EXD2: variants seen among roughly 807,000 people sequenced by gnomAD.
EXD2 encodes the protein exonuclease 3'-5' domain-containing protein 2.
A neutral mutation model predicts 62.5 loss-of-function variants in EXD2; 40 were observed. That is an observed-to-expected ratio of 0.64 (90% CI 0.50 to 0.83). The LOEUF (loss-of-function observed/expected upper bound fraction) is 0.83, where lower values mean the gene tolerates loss of function less well. EXD2 is among the 40% of genes least tolerant of loss of function. EXD2 has a pLI of 0.00. For missense variants in EXD2, 671 were observed against 761.8 expected, an observed-to-expected ratio of 0.88 and a Z score of 1.40; for synonymous variants, 239 against 291.9, an observed-to-expected ratio of 0.82 and a Z score of 1.85.
At position 69,193,061 on chromosome 14, in the gene EXD2, T is replaced by TC. The variant is rs369014939; in HGVS notation, c.-132+1470_-132+1471insC. On this transcript the variant is annotated intron_variant, in intron 1 of 9. Coordinates refer to ENST00000685843, the MANE Select transcript of EXD2 (RefSeq NM_001193360.2). ...AATAATTTCCTCCATTCTCTCTCTC[T>TC]TTTTTTTTTTTTTTTGAGACAGAGT... 4.7e-3 allele frequency among the ~76,000 whole-genome samples: 524 copies of TC among 111,508 alleles called. 4 individuals carry two copies. The highest frequency in any genetic ancestry group is 6.6e-3 in the Non-Finnish European group (354 of 53,264). 73.2% of individuals were successfully genotyped at this position (111,508 alleles called of 152,430 possible). A position where few individuals can be genotyped will look rare whatever the true frequency, so the allele number is the denominator to read the frequency against.
chr14:69,201,827 C>G (rs1440671826), intron 1 of EXD2, among the ~76,000 whole-genome samples: 1 of 151,762 alleles, frequency 6.6e-6, no homozygotes, highest in African/African-American at 2.4e-5. Flanking sequence ...GGAGTGCAGG[C>G]GCACACCACC....
intron 3 of EXD2, chr14:69,210,199 G>A (rs1346133882): frequency 6.3e-6 from 1 of 158,350 alleles, no homozygotes; most frequent in Non-Finnish European, 1.4e-5. Context: ...TGAACATATA[G>A]TAGTAAGTGT....
chr14:69,229,773 G>A (rs1390594789), intron 4 of EXD2, among the ~76,000 whole-genome samples: 4 of 152,086 alleles, frequency 2.6e-5, no homozygotes, highest in African/African-American at 4.8e-5. Flanking sequence ...TTATAACAAC[G>A]TGGACTGAAA....
intron 3 of EXD2, 102 bp downstream of exon 3, chr14:69,209,905 TGAA>T: frequency 1.0e-6 from 1 of 961,900 alleles, no homozygotes; most frequent in Non-Finnish European, 1.5e-6. Context: ...TAAAGGAGAA[TGAA>T]TTAGCTTGTT....
At chr14:69,212,298 G>T (rs1594747230) in intron 3 of EXD2, among the ~76,000 whole-genome samples, 1 of 151,960 alleles carries the variant, frequency 6.6e-6, no homozygotes, top group African/African-American at 2.4e-5. Flanking sequence ...AATTGCTTGA[G>T]CCCAGGAGGT....
intron 3 of EXD2, among the ~76,000 whole-genome samples, chr14:69,226,207 T>C (rs759713363): frequency 2.0e-5 from 3 of 152,204 alleles, no homozygotes; most frequent in Non-Finnish European, 4.4e-5. Context: ...GAACTACTCA[T>C]TAATTTTTAA....
chr14:69,236,850 C>A (rs1480330820), intron 8 of EXD2, among the ~76,000 whole-genome samples: 1 of 152,224 alleles, frequency 6.6e-6, no homozygotes. Flanking sequence ...CTGTGTCCCT[C>A]TCATCCTCTC....
chr14:69,207,206 T>G (rs2042632624), intron 2 of EXD2, among the ~76,000 whole-genome samples: 1 of 152,236 alleles, frequency 6.6e-6, no homozygotes, highest in South Asian at 2.1e-4. Context: ...ATGAAATTTT[T>G]TTTTTGGCCC....
chr14:69,208,721 C>G (rs373783403), intron 2 of EXD2: 1 of 152,160 alleles, frequency 6.6e-6, no homozygotes, highest in Non-Finnish European at 1.5e-5. Flanking sequence ...AGTTTGCATC[C>G]GCCTTCTATG....
chr14:69,210,274 T>C (rs2140237854), intron 3 of EXD2: 1 of 155,218 alleles, frequency 6.4e-6, no homozygotes, highest in East Asian at 1.9e-4. Context: ...GTGGAGAAAA[T>C]AGCTAAGGAA....
At chr14:69,238,655 G>A (rs1239560930) in intron 9 of EXD2, among the ~76,000 whole-genome samples, 1 of 146,186 alleles carries the variant, frequency 6.8e-6, no homozygotes, top group African/African-American at 2.5e-5. Flanking sequence ...GTTTTTTTGA[G>A]ATAGTATATG....
chr14:69,219,077 G>A (rs1283372467), intron 3 of EXD2, among the ~76,000 whole-genome samples: 1 of 152,158 alleles, frequency 6.6e-6, no homozygotes, highest in Non-Finnish European at 1.5e-5. Context: ...GGATGGCATT[G>A]AATCTATAAA....
intron 9 of EXD2, 95 bp downstream of exon 9, chr14:69,238,026 C>A: frequency 2.7e-6 from 3 of 1,096,070 alleles, no homozygotes; most frequent in Non-Finnish European, 2.6e-6. Context: ...GCTGCTTAGG[C>A]ACAGTGCCTA....
intron 5 of EXD2, among the ~76,000 whole-genome samples, chr14:69,232,186 A>G (rs1433666884): frequency 6.6e-6 from 1 of 152,044 alleles, no homozygotes; most frequent in Non-Finnish European, 1.5e-5. Flanking sequence ...CCATTATATG[A>G]TTTAAACTTT....
intron 1 of EXD2, among the ~76,000 whole-genome samples, chr14:69,199,599 AT>A (rs60683799): frequency 0.065 from 9,604 of 148,296 alleles, 335 homozygotes; most frequent in Non-Finnish European, 0.078. Context: ...TCAACTTAAA[AT>A]TTTTTTTTTT....
chr14:69,204,729 A>G (rs1223466645), intron 2 of EXD2, among the ~76,000 whole-genome samples: 3 of 152,334 alleles, frequency 2.0e-5, no homozygotes, highest in African/African-American at 7.2e-5. Context: ...CTACCTCTTT[A>G]TAACATCAAG....
At chr14:69,227,017 T>C (rs2043388037) in intron 3 of EXD2, among the ~76,000 whole-genome samples, 1 of 152,218 alleles carries the variant, frequency 6.6e-6, no homozygotes, top group Non-Finnish European at 1.5e-5. Flanking sequence ...TCCATTACTT[T>C]GTATGCAACT....
chr14:69,202,550 G>A (rs1191507406), intron 1 of EXD2, among the ~76,000 whole-genome samples: 3 of 151,862 alleles, frequency 2.0e-5, no homozygotes, highest in African/African-American at 7.3e-5. Context: ...TGTGCCTTTC[G>A]ACTCTTTTTA....
chr14:69,241,492 C>T lies in EXD2; in HGVS notation c.*392C>T. The stretch of plus-strand genomic sequence containing the variant: ...TGCCTCGGTTTATCTCTAACAGGGG[C>T]TGTCCAGTATATCGGTCCTGTTAGG... On this transcript the variant is annotated 3_prime_UTR_variant, in exon 10 of 10. Transcript: ENST00000685843. The T allele has an allele frequency of 3.9e-6, 1 of 257,484 alleles. No homozygotes were observed. Among genetic ancestry groups the T allele is most frequent in the Admixed American group, 4.8e-5 (1 of 20,654 alleles). 15.9% of individuals were successfully genotyped at this position (257,484 alleles called of 1,614,324 possible).
Sources: allele counts gnomAD v4.1 joint callset (sites outside exome capture counted in the v4.1 genomes callset), GRCh38; gene constraint gnomAD v4.1.1; transcripts MANE v1.5; gene names NCBI Gene and HGNC (gene_info 2026-07-23, HGNC 2026-07-21).